CACNB2: variants seen among roughly 807,000 people sequenced by gnomAD.
CACNB2 encodes the protein voltage-dependent L-type calcium channel subunit beta-2.
A neutral mutation model predicts 73.3 loss-of-function variants in CACNB2; 42 were observed. The observed-to-expected ratio is 0.57, with a 90% CI of 0.45 to 0.74. The LOEUF is 0.74. Ranked by LOEUF, CACNB2 falls within the 30% of genes least tolerant of loss-of-function variation. The pLI is 0.00. For synonymous variants in CACNB2, 348 were observed against 310.3 expected (o/e 1.12, Z -1.28); for missense variants, 940 against 853.0 (o/e 1.10, Z -1.27).
At chr10:18,219,896 A>C (rs952988103) in intron 2 of CACNB2, among the ~76,000 whole-genome samples, 3 of 150,500 alleles carry the variant, frequency 2.0e-5, no homozygotes, top group South Asian at 4.2e-4. Context: ...AAGCTTCCCG[A>C]GTAGCTGGGA....
At chr10:18,357,076 C>G (rs990484885) in intron 2 of CACNB2, among the ~76,000 whole-genome samples, 45 of 150,182 alleles carry the variant, frequency 3.0e-4, no homozygotes, top group Non-Finnish European at 5.3e-4. Flanking sequence ...TCCCGTGTAG[C>G]TGGGACTACA....
At chr10:18,469,416 G>A (rs1360992629) in intron 3 of CACNB2, among the ~76,000 whole-genome samples, 2 of 151,788 alleles carry the variant, frequency 1.3e-5, no homozygotes, top group Non-Finnish European at 2.9e-5. Flanking sequence ...TGCCTCTCTA[G>A]TGTCATCCCA....
intron 11 of CACNB2, among the ~76,000 whole-genome samples, chr10:18,535,099 A>G (rs908433619): frequency 6.6e-6 from 1 of 152,212 alleles, no homozygotes; most frequent in Admixed American, 6.5e-5. Flanking sequence ...ATAATGAAAT[A>G]TGTCAACATT....
chr10:18,192,537 C>T (rs2034449253), intron 2 of CACNB2, among the ~76,000 whole-genome samples: 1 of 151,950 alleles, frequency 6.6e-6, no homozygotes, highest in Non-Finnish European at 1.5e-5. Context: ...AATTCAGTGG[C>T]ATTAAATACA....
At chr10:18,168,604 T>C (rs1162792759) in intron 2 of CACNB2, among the ~76,000 whole-genome samples, 13 of 152,188 alleles carry the variant, frequency 8.5e-5, no homozygotes, top group Admixed American at 7.2e-4. Flanking sequence ...CTGCCACTTT[T>C]TTGTTCTCTG....
At chr10:18,390,624 A>T (rs953571553) in intron 2 of CACNB2, among the ~76,000 whole-genome samples, 11 of 151,694 alleles carry the variant, frequency 7.3e-5, no homozygotes, top group Non-Finnish European at 8.8e-5. Flanking sequence ...TGCTTGAAGA[A>T]ATATCTTCTC....
intron 2 of CACNB2, among the ~76,000 whole-genome samples, chr10:18,301,424 G>A (rs1037414255): frequency 1.2e-4 from 18 of 145,822 alleles, no homozygotes; most frequent in South Asian, 4.5e-4. Flanking sequence ...GCAAGACCCC[G>A]CTCTACAAAA....
At chr10:18,496,993 C>G (rs920092784) in intron 3 of CACNB2, among the ~76,000 whole-genome samples, 1 of 150,962 alleles carries the variant, frequency 6.6e-6, no homozygotes, top group African/African-American at 2.4e-5. Context: ...GGCAGATCAC[C>G]CAAGGTCAGG....
chr10:18,401,009 A>G (rs1381433333), intron 2 of CACNB2: 1 of 1,614,040 alleles, frequency 6.2e-7, no homozygotes, highest in Admixed American at 1.7e-5. Flanking sequence ...GCAGCTGCGG[A>G]CGATAAAGGC....
intron 2 of CACNB2, among the ~76,000 whole-genome samples, chr10:18,246,383 G>C (rs1158723979): frequency 1.3e-5 from 2 of 151,820 alleles, no homozygotes; most frequent in African/African-American, 2.4e-5. Flanking sequence ...GGAGGATAAG[G>C]CTCCTAGTTC....
intron 2 of CACNB2, among the ~76,000 whole-genome samples, chr10:18,393,075 G>C (rs1022553249): frequency 6.6e-6 from 1 of 152,024 alleles, no homozygotes; most frequent in Non-Finnish European, 1.5e-5. Context: ...TGGGCATGGT[G>C]GTGGGCACCT....
At chr10:18,365,520 A>G (rs1260055168) in intron 2 of CACNB2, among the ~76,000 whole-genome samples, 3 of 152,156 alleles carry the variant, frequency 2.0e-5, no homozygotes, top group Non-Finnish European at 2.9e-5. Flanking sequence ...AATCTATACA[A>G]CCTCATAAGC....
At chr10:18,201,464 G>A (rs772804855) in intron 2 of CACNB2, among the ~76,000 whole-genome samples, 8 of 152,026 alleles carry the variant, frequency 5.3e-5, no homozygotes, top group Admixed American at 1.3e-4. Flanking sequence ...TAGTAGAGAT[G>A]GGGTTTCACC....
intron 3 of CACNB2, among the ~76,000 whole-genome samples, chr10:18,439,757 T>G (rs527927138): frequency 6.6e-6 from 1 of 152,320 alleles, no homozygotes; most frequent in South Asian, 2.1e-4. Context: ...AAAGCTCATC[T>G]GATACTCGGC....
intron 3 of CACNB2, among the ~76,000 whole-genome samples, chr10:18,496,185 CAA>C (rs57139534): frequency 8.3e-5 from 7 of 84,072 alleles, no homozygotes; most frequent in African/African-American, 1.5e-4. Flanking sequence ...GACTCAGTCT[CAA>C]AAAAAAAAAA....
At chr10:18,403,084 T>TA (rs2044092961) in intron 3 of CACNB2, among the ~76,000 whole-genome samples, 1 of 152,176 alleles carries the variant, frequency 6.6e-6, no homozygotes, top group Non-Finnish European at 1.5e-5. Flanking sequence ...CCTTGACTTC[T>TA]AAAAAGCAGT....
intron 2 of CACNB2, among the ~76,000 whole-genome samples, chr10:18,329,096 A>G (rs946217369): frequency 2.6e-5 from 4 of 152,166 alleles, no homozygotes; most frequent in African/African-American, 9.7e-5. Flanking sequence ...AGGGAAATAC[A>G]TGCTCTGTCA....
chr10:18,507,000 T>G (rs1270936217), intron 6 of CACNB2, among the ~76,000 whole-genome samples: 2 of 152,168 alleles, frequency 1.3e-5, no homozygotes, highest in Non-Finnish European at 2.9e-5. Flanking sequence ...AGTTTCACCA[T>G]GTTGCCCAGG....
intron 2 of CACNB2, among the ~76,000 whole-genome samples, chr10:18,334,509 A>G (rs1185446997): frequency 6.6e-6 from 1 of 152,202 alleles, no homozygotes; most frequent in African/African-American, 2.4e-5. Context: ...TATACTTGAA[A>G]GCACTTCACA....
Sources: gnomAD v4.1 joint callset for allele counts (sites outside exome capture counted in the v4.1 genomes callset) on GRCh38, gnomAD v4.1.1 for gene constraint, MANE v1.5 for transcripts, NCBI Gene and HGNC (gene_info 2026-07-23, HGNC 2026-07-21) for gene names.